The following MLLT3 variants were observed in gnomAD, a reference collection of about 807,000 sequenced individuals.
MLLT3 encodes the protein MLLT3 super elongation complex subunit.
Under a neutral mutation model 53.2 loss-of-function variants are expected in MLLT3, and 4 were observed. That is an observed-to-expected ratio of 0.08 (90% CI 0.04 to 0.17). The LOEUF (loss-of-function observed/expected upper bound fraction) is 0.17. MLLT3 is among the 10% of genes least tolerant of loss of function. The pLI, the probability that MLLT3 is intolerant of heterozygous loss-of-function variation, is 1.00. For missense variants in MLLT3, 569 were observed against 684.0 expected, an observed-to-expected ratio of 0.83 and a Z score of 1.87; for synonymous variants, 283 against 230.6, an observed-to-expected ratio of 1.23 and a Z score of -2.06.
rs140314948 is a variant in MLLT3 at position 20,421,227 on chromosome 9, G to A, written c.421-6802C>T. Among the ~76,000 whole-genome samples the A allele has an allele frequency of 2.9e-3, 438 of 152,130 alleles. 2 individuals are homozygous for A. Among genetic ancestry groups the A allele is most frequent in the African/African-American group, 9.4e-3 (391 of 41,526 alleles). Reference sequence around the variant, plus strand: ...TTCAGTGAGCCAAGATTGCGCCACTGCACTCCAGCCTGGGCAATAGAGCAA... The same window carrying A: ...TTCAGTGAGCCAAGATTGCGCCACTACACTCCAGCCTGGGCAATAGAGCAA... On this transcript the variant is annotated intron_variant, in intron 4 of 10. Transcript: ENST00000380338.
intron 2 of MLLT3, among the ~76,000 whole-genome samples, chr9:20,530,654 C>T (rs1167389820): frequency 6.6e-6 from 1 of 152,218 alleles, no homozygotes; most frequent in African/African-American, 2.4e-5. Context: ...AACCATGATT[C>T]CAAAAGTCCT....
intron 5 of MLLT3, among the ~76,000 whole-genome samples, chr9:20,391,799 AGAAG>A (rs1822188371): frequency 6.6e-6 from 1 of 152,234 alleles, no homozygotes; most frequent in African/African-American, 2.4e-5. Flanking sequence ...TTAAGTTAGT[AGAAG>A]GAAGATGTGT....
chr9:20,446,839 AAAAT>A (rs1179850584), intron 4 of MLLT3, among the ~76,000 whole-genome samples: 1 of 152,206 alleles, frequency 6.6e-6, no homozygotes, highest in East Asian at 1.9e-4. Flanking sequence ...TTGTGTTACA[AAAAT>A]AAATACATTT....
intron 5 of MLLT3, among the ~76,000 whole-genome samples, chr9:20,372,851 C>T (rs1587169125): frequency 6.6e-6 from 1 of 152,118 alleles, no homozygotes; most frequent in Non-Finnish European, 1.5e-5. Flanking sequence ...GTAAGCATTT[C>T]TGGCAACAAG....
Position 20,620,313 on chromosome 9 carries a change from C to T in MLLT3, c.193+341G>A, listed in dbSNP as rs1820962979. Among the ~76,000 whole-genome samples the T allele has an allele frequency of 6.6e-6, 1 of 151,444 alleles. No individual in the cohort carries two copies. The highest frequency in any genetic ancestry group is 1.5e-5 in the Non-Finnish European group (1 of 67,870). Reference sequence around the variant, plus strand: ...CACACACGCGCAAAGTGTTTATTCCCTCCAGCCCGATTCCCCACATCTCCA... The same window carrying T: ...CACACACGCGCAAAGTGTTTATTCCTTCCAGCCCGATTCCCCACATCTCCA... On this transcript the variant is annotated intron_variant, in intron 2 of 10. Transcript: ENST00000380338. The surrounding 1 kb of genome is among the most constrained non-coding windows in gnomAD (Gnocchi z 6.1).
intron 2 of MLLT3, among the ~76,000 whole-genome samples, chr9:20,516,357 T>C (rs1026319400): frequency 5.3e-5 from 8 of 152,220 alleles, no homozygotes; most frequent in Non-Finnish European, 1.0e-4. Context: ...TCTACATGTA[T>C]ACACACTAAA....
intron 2 of MLLT3, among the ~76,000 whole-genome samples, chr9:20,571,223 C>A (rs1267870436): frequency 6.6e-6 from 1 of 152,164 alleles, no homozygotes; most frequent in Non-Finnish European, 1.5e-5. Context: ...CAACAAAAAC[C>A]TTTTAACTGC....
At chr9:20,615,276 T>C (rs1820799359) in intron 2 of MLLT3, among the ~76,000 whole-genome samples, 1 of 140,254 alleles carries the variant, frequency 7.1e-6, no homozygotes, top group African/African-American at 2.7e-5. Context: ...GATGGGAGGA[T>C]GGCTTGAGTC....
intron 5 of MLLT3, among the ~76,000 whole-genome samples, chr9:20,403,057 A>G (rs1017176383): frequency 6.6e-5 from 10 of 152,092 alleles, no homozygotes; most frequent in Non-Finnish European, 1.2e-4. Context: ...GAATCACTGC[A>G]AACTGGAAAT....
chr9:20,474,934 A>G (rs1288045115), intron 2 of MLLT3, among the ~76,000 whole-genome samples: 2 of 152,142 alleles, frequency 1.3e-5, no homozygotes, highest in African/African-American at 4.8e-5. Flanking sequence ...ATATGTCCAC[A>G]TCCAGGAGTA....
At chr9:20,615,187 C>T (rs1364106057) in intron 2 of MLLT3, among the ~76,000 whole-genome samples, 1 of 150,628 alleles carries the variant, frequency 6.6e-6, no homozygotes. Context: ...CTACCAAAAA[C>T]ACACACACAC....
At position 20,413,981 on chromosome 9, in the gene MLLT3, C is replaced by G. The variant is rs1049522863; in HGVS notation, c.865G>C (p.Asp289His). The G allele has an allele frequency of 4.3e-6, 7 of 1,613,956 alleles. No individual in the cohort carries two copies. The African/African-American group carries it at 5.3e-5, about 12-fold the overall frequency. The stretch of plus-strand genomic sequence containing the variant: ...TTTTTGGCTGAGAGTTCTTCAGAAT[C>G]TGAAATGGGCGGCCTTTTACTAGGA... ...KAPSKRPPIS[D>H]SEELSAKKRK... is the part of the protein sequence containing the mutation. Residue 289 changes from aspartate to histidine, a missense_variant, in exon 5 of 11, where the codon GAT (aspartate) becomes CAT (histidine). By Grantham distance (81) the Asp-to-His change is moderately conservative. Around this residue, in one of 5 missense-constraint regions of MLLT3, gnomAD observed 437 missense variants for 376.5 expected, o/e 1.16. Transcript: ENST00000380338.
At chr9:20,453,661 C>G (rs1004477996) in intron 3 of MLLT3, among the ~76,000 whole-genome samples, 3 of 152,172 alleles carry the variant, frequency 2.0e-5, no homozygotes, top group African/African-American at 4.8e-5. Flanking sequence ...AACATATGCT[C>G]TTATACTAAA....
intron 2 of MLLT3, among the ~76,000 whole-genome samples, chr9:20,590,421 T>G (rs918453902): frequency 6.6e-6 from 1 of 152,194 alleles, no homozygotes; most frequent in Non-Finnish European, 1.5e-5. Context: ...CGGAGGTGAT[T>G]AGACCATGGG....
At chr9:20,373,474 A>G (rs1425701197) in intron 5 of MLLT3, among the ~76,000 whole-genome samples, 6 of 152,238 alleles carry the variant, frequency 3.9e-5, no homozygotes, top group South Asian at 2.1e-4. Flanking sequence ...GGAGGCCTGC[A>G]TAAGCTGGCA....
intron 5 of MLLT3, among the ~76,000 whole-genome samples, chr9:20,404,635 G>T (rs981807804): frequency 6.6e-6 from 1 of 152,136 alleles, no homozygotes; most frequent in Non-Finnish European, 1.5e-5. Context: ...GTCTCAAGTG[G>T]CTAGGAGTAC....
intron 2 of MLLT3, among the ~76,000 whole-genome samples, chr9:20,557,858 T>A (rs1264414058): frequency 6.6e-6 from 1 of 152,168 alleles, no homozygotes; most frequent in Non-Finnish European, 1.5e-5. Context: ...TGGGAGAAGG[T>A]CACACTTTCT....
At chr9:20,537,768 T>C (rs968864843) in intron 2 of MLLT3, among the ~76,000 whole-genome samples, 9 of 152,206 alleles carry the variant, frequency 5.9e-5, no homozygotes, top group Non-Finnish European at 1.2e-4. Flanking sequence ...AGATGATTTA[T>C]TGCCCTATGA....
At chr9:20,456,931 C>A (rs1823985048) in intron 2 of MLLT3, 145 bp from the exon 3 acceptor site, 1 of 599,148 alleles carries the variant, frequency 1.7e-6, no homozygotes. Flanking sequence ...AGTCTCCGAT[C>A]TATCCTTTAT....
Sources: allele counts gnomAD v4.1 joint callset (sites outside exome capture counted in the v4.1 genomes callset), GRCh38; gene constraint gnomAD v4.1.1; regional missense constraint gnomAD v4.1.1; non-coding constraint Gnocchi (gnomAD v3.1); transcripts MANE v1.5; gene names NCBI Gene and HGNC (gene_info 2026-07-23, HGNC 2026-07-21).